CSMD1: variants seen among roughly 807,000 people sequenced by gnomAD.
CSMD1 encodes CUB and sushi domain-containing protein 1.
CSMD1 carries 213 observed loss-of-function variants against 417.5 expected under a neutral mutation model. That is an observed-to-expected ratio of 0.51 (90% CI 0.46 to 0.57). The LOEUF is 0.57. CSMD1 is among the 20% of genes least tolerant of loss of function. The pLI, the probability that CSMD1 is intolerant of heterozygous loss-of-function variation, is 0.00. For missense variants in CSMD1, 6,923 were observed against 4,529.7 expected, an observed-to-expected ratio of 1.53 and a Z score of -15.17; for synonymous variants, 2,862 against 1,736.8, an observed-to-expected ratio of 1.65 and a Z score of -16.11.
At chr8:3,363,406 A>G (rs956444480) in intron 20 of CSMD1, among the ~76,000 whole-genome samples, 2 of 152,240 alleles carry the variant, frequency 1.3e-5, no homozygotes, top group African/African-American at 4.8e-5. Context: ...CCTGTATTAT[A>G]TAGAAGAAAA....
chr8:3,783,572 A>C (rs561861045), intron 5 of CSMD1, among the ~76,000 whole-genome samples: 53 of 152,340 alleles, frequency 3.5e-4, no homozygotes, highest in Middle Eastern at 6.8e-3. Context: ...CACCTGGCAC[A>C]GGTGAGAGAG....
chr8:3,596,637 T>G (rs1801108060), intron 8 of CSMD1, among the ~76,000 whole-genome samples: 1 of 152,150 alleles, frequency 6.6e-6, no homozygotes, highest in Admixed American at 6.5e-5. Context: ...ACTTTGCAAT[T>G]TTTTTTATTT....
At chr8:3,734,181 G>C (rs1469576104) in intron 6 of CSMD1, among the ~76,000 whole-genome samples, 2 of 152,054 alleles carry the variant, frequency 1.3e-5, no homozygotes, top group Non-Finnish European at 1.5e-5. Flanking sequence ...TTAAAACATT[G>C]AGCTGATGCA....
At chr8:3,134,766 A>G (rs1817985222) in intron 41 of CSMD1, among the ~76,000 whole-genome samples, 1 of 152,166 alleles carries the variant, frequency 6.6e-6, no homozygotes, top group Non-Finnish European at 1.5e-5. Context: ...ATTCCAAATC[A>G]TACTTCCACA....
At chr8:4,102,680 A>G (rs1801366652) in intron 3 of CSMD1, among the ~76,000 whole-genome samples, 1 of 152,222 alleles carries the variant, frequency 6.6e-6, no homozygotes, top group Non-Finnish European at 1.5e-5. Context: ...AATATTCAGG[A>G]CATTTACTGA....
chr8:4,713,708 G>A (rs979240798), intron 1 of CSMD1, among the ~76,000 whole-genome samples: 5 of 152,134 alleles, frequency 3.3e-5, no homozygotes, highest in Non-Finnish European at 7.3e-5. Flanking sequence ...CTGCCTCACG[G>A]CCTCCTCCCC....
At chr8:3,574,785 G>A (rs979885165) in intron 10 of CSMD1, among the ~76,000 whole-genome samples, 160 bp downstream of exon 10, 7 of 152,224 alleles carry the variant, frequency 4.6e-5, no homozygotes, top group African/African-American at 7.2e-5. Flanking sequence ...AGACTGCTCT[G>A]CAATGAATGT....
intron 1 of CSMD1, among the ~76,000 whole-genome samples, chr8:4,778,711 G>C (rs1282672753): frequency 6.6e-6 from 1 of 152,090 alleles, no homozygotes; most frequent in Non-Finnish European, 1.5e-5. Context: ...CTTTCCATGG[G>C]ACTATGCCCA....
intron 1 of CSMD1, among the ~76,000 whole-genome samples, chr8:4,834,381 A>T (rs1800333541): frequency 6.6e-6 from 1 of 152,198 alleles, no homozygotes; most frequent in South Asian, 2.1e-4. Flanking sequence ...GTTAGGAGAG[A>T]TATAAGCAAT....
chr8:4,587,712 T>G (rs1336114387), intron 2 of CSMD1, among the ~76,000 whole-genome samples: 39 of 152,182 alleles, frequency 2.6e-4, no homozygotes. Flanking sequence ...TTTTCTCCAC[T>G]TATGACACTC....
chr8:3,947,270 A>C lies in CSMD1; in HGVS notation c.818+50633T>G, dbSNP rs531323811. On this transcript the variant is annotated intron_variant, in intron 5 of 69. Coordinates refer to ENST00000635120, the MANE Select transcript of CSMD1 (RefSeq NM_033225.6). ...AATTTTTATCTAATGTTCTTTCCAC[A>C]TTTATTGACGTGATTATGTATGCAG... Among the ~76,000 whole-genome samples the C allele has an allele frequency of 1.3e-4, 20 of 152,228 alleles. No homozygotes were observed. In the South Asian group the frequency reaches 4.2e-3, roughly 32 times the overall value.
At chr8:4,478,743 C>T (rs889694489) in intron 2 of CSMD1, among the ~76,000 whole-genome samples, 2 of 152,096 alleles carry the variant, frequency 1.3e-5, no homozygotes, top group African/African-American at 4.8e-5. Context: ...TTTTCCTTAG[C>T]TCATAGAAAT....
At chr8:3,870,730 A>G (rs556509993) in intron 5 of CSMD1, among the ~76,000 whole-genome samples, 131 of 152,230 alleles carry the variant, frequency 8.6e-4, no homozygotes, top group African/African-American at 3.1e-3. Context: ...TCCTCTGTTA[A>G]TGTCCTATGG....
At chr8:4,230,359 T>A in intron 3 of CSMD1, among the ~76,000 whole-genome samples, 1 of 152,194 alleles carries the variant, frequency 6.6e-6, no homozygotes, top group East Asian at 1.9e-4. Flanking sequence ...CCGAGTAAAC[T>A]CTGGTGACCT....
chr8:4,259,550 TG>T (rs573226419), intron 3 of CSMD1, among the ~76,000 whole-genome samples: 3,011 of 144,622 alleles, frequency 0.021, 45 homozygotes, highest in African/African-American at 0.044. Context: ...TTTTTTTTTT[TG>T]ATTTACAAAG....
chr8:4,297,228 C>T (rs1797736992), intron 3 of CSMD1, among the ~76,000 whole-genome samples: 1 of 152,026 alleles, frequency 6.6e-6, no homozygotes, highest in South Asian at 2.1e-4. Flanking sequence ...GGGGACCAAA[C>T]ATTTAGAAAT....
chr8:4,343,216 T>C (rs1800581031), intron 3 of CSMD1, among the ~76,000 whole-genome samples: 1 of 152,196 alleles, frequency 6.6e-6, no homozygotes, highest in African/African-American at 2.4e-5. Context: ...AAAAAGCACA[T>C]ATGATAATCA....
At chr8:4,840,238 C>T (rs997239697) in intron 1 of CSMD1, among the ~76,000 whole-genome samples, 4 of 31,956 alleles carry the variant, frequency 1.3e-4, no homozygotes, top group East Asian at 2.4e-3. Context: ...ACCATCACAT[C>T]GCCAGCTGAT....
intron 15 of CSMD1, among the ~76,000 whole-genome samples, chr8:3,404,767 A>T (rs948693123): frequency 4.9e-5 from 7 of 142,742 alleles, no homozygotes; most frequent in African/African-American, 1.7e-4. Context: ...TGTATTTATG[A>T]CACATGTGCC....
Sources: gnomAD v4.1 joint callset for allele counts (sites outside exome capture counted in the v4.1 genomes callset) on GRCh38, gnomAD v4.1.1 for gene constraint, MANE v1.5 for transcripts, NCBI Gene and HGNC (gene_info 2026-07-23, HGNC 2026-07-21) for gene names.